Variants in ELMO1 observed in about 807,000 individuals in gnomAD.
ELMO1 encodes the protein engulfment and cell motility 1, also known as engulfment and cell motility protein 1.
In ELMO1, 26 loss-of-function variants were observed where a neutral mutation model predicts 98.9. That is an observed-to-expected ratio of 0.26 (90% CI 0.19 to 0.36). ELMO1 has a LOEUF of 0.36. Among genes scored for constraint, ELMO1 ranks in the 10% least tolerant of loss-of-function variants. The pLI is 1.00. For missense variants in ELMO1, 627 were observed against 935.2 expected (o/e 0.67, Z 4.30); for synonymous variants, 346 against 346.0 (o/e 1.00, Z 0.00).
chr7:37,397,014 G>A (rs539225776), intron 1 of ELMO1, among the ~76,000 whole-genome samples: 16 of 152,292 alleles, frequency 1.1e-4, no homozygotes, highest in African/African-American at 3.8e-4. Context: ...CCTGATAGCT[G>A]AACCCAAAGA....
chr7:36,857,195 A>G (rs767890701), intron 21 of ELMO1, among the ~76,000 whole-genome samples: 9 of 152,176 alleles, frequency 5.9e-5, no homozygotes, highest in Non-Finnish European at 1.2e-4. Context: ...CATTTAACCC[A>G]TCGAAACATC....
intron 13 of ELMO1, among the ~76,000 whole-genome samples, chr7:37,152,988 T>C (rs964270964): frequency 5.9e-5 from 9 of 152,100 alleles, no homozygotes; most frequent in South Asian, 4.2e-4. Context: ...GGGACACACG[T>C]GGGGAAGGAT....
At chr7:37,099,288 T>G (rs758189899) in intron 14 of ELMO1, among the ~76,000 whole-genome samples, 1 of 152,340 alleles carries the variant, frequency 6.6e-6, no homozygotes, top group East Asian at 1.9e-4. Context: ...TACAAAAATA[T>G]TGTAGAAAAG....
At chr7:37,034,398 AT>A in intron 15 of ELMO1, among the ~76,000 whole-genome samples, 1 of 152,130 alleles carries the variant, frequency 6.6e-6, no homozygotes. Flanking sequence ...TGTAATCATG[AT>A]TTTTTTAAAA....
At chr7:36,947,173 C>T (rs1787567184) in intron 16 of ELMO1, among the ~76,000 whole-genome samples, 1 of 152,152 alleles carries the variant, frequency 6.6e-6, no homozygotes, top group Admixed American at 6.5e-5. Context: ...CTCTTATGTC[C>T]CTGTGTACCC....
intron 2 of ELMO1, among the ~76,000 whole-genome samples, chr7:37,337,335 A>G (rs568549996): frequency 6.6e-6 from 1 of 151,974 alleles, no homozygotes; most frequent in East Asian, 1.9e-4. Flanking sequence ...ATGAGAACAC[A>G]TGGACACAGG....
intron 15 of ELMO1, among the ~76,000 whole-genome samples, chr7:37,078,178 C>T (rs569547703): frequency 4.0e-5 from 6 of 151,846 alleles, no homozygotes; most frequent in East Asian, 3.9e-4. Context: ...AATCCGGGCA[C>T]GATTATATTC....
intron 4 of ELMO1, among the ~76,000 whole-genome samples, chr7:37,277,069 C>T (rs2893539): frequency 1.3e-5 from 2 of 152,194 alleles, no homozygotes; most frequent in Non-Finnish European, 2.9e-5. Flanking sequence ...TATGACCTGG[C>T]ACATGCCGGC....
At chr7:37,096,373 T>G (rs758552687) in intron 15 of ELMO1, among the ~76,000 whole-genome samples, 12 of 152,216 alleles carry the variant, frequency 7.9e-5, no homozygotes, top group Non-Finnish European at 1.8e-4. Context: ...TTCATGATAT[T>G]TGAAACTCAG....
chr7:37,422,916 G>C (rs1253621427), intron 1 of ELMO1, among the ~76,000 whole-genome samples: 1 of 152,212 alleles, frequency 6.6e-6, no homozygotes, highest in Non-Finnish European at 1.5e-5. Flanking sequence ...CAGCCCATGA[G>C]CCAAGCCTGT....
intron 13 of ELMO1, among the ~76,000 whole-genome samples, chr7:37,204,793 T>C (rs1031031654): frequency 2.6e-5 from 4 of 152,336 alleles, no homozygotes; most frequent in African/African-American, 4.8e-5. Context: ...ATCCTTTAGC[T>C]AGAAAGAAAA....
At position 37,144,570 on chromosome 7, in the gene ELMO1, C is replaced by T. The variant is rs139120212; in HGVS notation, c.1087-11336G>A. The stretch of plus-strand genomic sequence containing the variant: ...TTTGATAAATGGCTTGAAATTTTCC[C>T]TTGTTTTACTGCAAAGCCTGTGTAC... On this transcript the variant is annotated intron_variant, in intron 13 of 21. Transcript: ENST00000310758. Among the ~76,000 whole-genome samples, 17 of 152,250 alleles carry T rather than the reference C, an allele frequency of 1.1e-4. No homozygotes were observed. In the East Asian group the frequency reaches 3.1e-3, roughly 28 times the overall value.
At chr7:37,284,031 T>A (rs1247865042) in intron 4 of ELMO1, among the ~76,000 whole-genome samples, 1 of 152,038 alleles carries the variant, frequency 6.6e-6, no homozygotes, top group African/African-American at 2.4e-5. Flanking sequence ...TAGGGGAGTA[T>A]GATACACATT....
At chr7:37,379,819 C>T (rs1385358698) in intron 1 of ELMO1, among the ~76,000 whole-genome samples, 3 of 152,170 alleles carry the variant, frequency 2.0e-5, no homozygotes, top group Non-Finnish European at 4.4e-5. Context: ...AGAGGACGGG[C>T]CTCACAAACA....
intron 1 of ELMO1, among the ~76,000 whole-genome samples, chr7:37,405,535 C>T (rs890581605): frequency 1.2e-4 from 19 of 152,304 alleles, no homozygotes; most frequent in African/African-American, 4.3e-4. Context: ...AAATGTTATC[C>T]TTATAGGCAA....
chr7:36,903,262 C>T (rs745730415), intron 16 of ELMO1, among the ~76,000 whole-genome samples: 1 of 152,198 alleles, frequency 6.6e-6, no homozygotes. Flanking sequence ...CAAGCCTAGG[C>T]CTAGATGTTA....
At chr7:37,316,514 C>A (rs961813306) in intron 2 of ELMO1, among the ~76,000 whole-genome samples, 2 of 152,198 alleles carry the variant, frequency 1.3e-5, no homozygotes, top group Non-Finnish European at 2.9e-5. Flanking sequence ...CAGACACACT[C>A]CAGTAATGCG....
At chr7:36,931,823 G>T (rs543314023) in intron 16 of ELMO1, among the ~76,000 whole-genome samples, 103 of 152,304 alleles carry the variant, frequency 6.8e-4, no homozygotes, top group African/African-American at 2.4e-3. Flanking sequence ...CCACGAAAGG[G>T]AGAATGGTAT....
At chr7:36,965,242 G>A (rs1048403492) in intron 16 of ELMO1, among the ~76,000 whole-genome samples, 2 of 151,996 alleles carry the variant, frequency 1.3e-5, no homozygotes, top group Non-Finnish European at 2.9e-5. Context: ...TGCCTCCCCC[G>A]CTGCCTCCCT....
Sources: gnomAD v4.1 joint callset for allele counts (sites outside exome capture counted in the v4.1 genomes callset) on GRCh38, gnomAD v4.1.1 for gene constraint, MANE v1.5 for transcripts, NCBI Gene and HGNC (gene_info 2026-07-23, HGNC 2026-07-21) for gene names.